ADK: variants seen among roughly 807,000 people sequenced by gnomAD.
The protein encoded by ADK is N6,N6-dimethyladenosine kinase.
In ADK, 24 loss-of-function variants were observed where a neutral mutation model predicts 44.7. The ratio of observed to expected loss-of-function variants is 0.54; its 90% confidence interval spans 0.39 to 0.76. ADK has a LOEUF of 0.76. Among genes scored for constraint, ADK ranks in the 30% least tolerant of loss-of-function variants. The pLI, the probability that ADK is intolerant of heterozygous loss-of-function variation, is 0.00. For missense variants in ADK, 321 were observed against 425.1 expected (o/e 0.76, Z 2.15); for synonymous variants, 128 against 142.6 (o/e 0.90, Z 0.73).
intron 7 of ADK, among the ~76,000 whole-genome samples, chr10:74,526,099 CT>C (rs1849028685): frequency 6.6e-6 from 1 of 152,014 alleles, no homozygotes; most frequent in Admixed American, 6.5e-5. Flanking sequence ...ACATTCATCA[CT>C]TTTTTAAGTC....
intron 4 of ADK, among the ~76,000 whole-genome samples, chr10:74,335,565 A>T (rs1233175413): frequency 6.6e-6 from 1 of 152,216 alleles, no homozygotes; most frequent in Non-Finnish European, 1.5e-5. Context: ...AAAAATATTT[A>T]TACGTTTTTG....
At chr10:74,189,054 ATTTC>A (rs1408979421) in intron 1 of ADK, among the ~76,000 whole-genome samples, 5 of 149,936 alleles carry the variant, frequency 3.3e-5, no homozygotes, top group African/African-American at 4.9e-5. Context: ...TCCCAGCCAC[ATTTC>A]TTTCATTATT....
intron 1 of ADK, among the ~76,000 whole-genome samples, chr10:74,158,709 G>A (rs1010916507): frequency 6.6e-6 from 1 of 152,164 alleles, no homozygotes; most frequent in Non-Finnish European, 1.5e-5. Context: ...CTTATTTATA[G>A]TTTACTTTTA....
chr10:74,217,558 G>T (rs1844103389), intron 2 of ADK, among the ~76,000 whole-genome samples: 1 of 152,226 alleles, frequency 6.6e-6, no homozygotes, highest in Non-Finnish European at 1.5e-5. Context: ...AGAACGGGCA[G>T]ACTGCCTCCT....
chr10:74,325,024 C>T (rs532754368), intron 4 of ADK, among the ~76,000 whole-genome samples: 1 of 152,162 alleles, frequency 6.6e-6, no homozygotes, highest in South Asian at 2.1e-4. Context: ...TTTTCTATTT[C>T]TATGAAGATT....
Position 74,369,619 on chromosome 10 carries a change from T to G in ADK, c.274-24522T>G, listed in dbSNP as rs576999560. Among the ~76,000 whole-genome samples, 10 of 152,280 alleles carry G rather than the reference T, an allele frequency of 6.6e-5. No homozygotes were observed. The South Asian group carries it at 1.9e-3, about 28-fold the overall frequency. On this transcript the variant is annotated intron_variant, in intron 4 of 10. Coordinates refer to ENST00000539909, the MANE Select transcript of ADK (RefSeq NM_006721.4). ...TTCCTCATAAAATCACTCCTGAAAC[T>G]GGTGATAGAGAGGAACTTCCTCAAC... is the stretch of plus-strand genomic sequence containing the variant.
chr10:74,642,518 A>G (rs1029224076), intron 9 of ADK, among the ~76,000 whole-genome samples: 4 of 151,996 alleles, frequency 2.6e-5, no homozygotes, highest in Non-Finnish European at 5.9e-5. Flanking sequence ...ATAATTTTTT[A>G]AGAGAAAAAG....
intron 6 of ADK, chr10:74,506,059 C>T (rs1848061726): frequency 6.6e-6 from 1 of 152,280 alleles, no homozygotes; most frequent in Non-Finnish European, 1.5e-5. Flanking sequence ...AATTCTCCAG[C>T]TTTAAATCCT....
chr10:74,651,570 T>C (rs990512597), intron 9 of ADK, among the ~76,000 whole-genome samples: 2 of 151,978 alleles, frequency 1.3e-5, no homozygotes, highest in Admixed American at 6.6e-5. Context: ...ATTTCTTTCT[T>C]TTTTTTTATC....
intron 3 of ADK, among the ~76,000 whole-genome samples, chr10:74,228,311 G>A (rs1844625734): frequency 6.6e-6 from 1 of 152,130 alleles, no homozygotes; most frequent in African/African-American, 2.4e-5. Flanking sequence ...CTTGGGGGAT[G>A]ATTTTAAGTA....
chr10:74,595,849 T>G (rs1270296385), intron 8 of ADK, among the ~76,000 whole-genome samples: 4 of 150,056 alleles, frequency 2.7e-5, no homozygotes, highest in African/African-American at 2.4e-5. Context: ...ATACAAAAAT[T>G]AGTTGGGTGT....
chr10:74,308,280 CA>C (rs1840322114), intron 3 of ADK, among the ~76,000 whole-genome samples: 1 of 151,940 alleles, frequency 6.6e-6, no homozygotes, highest in African/African-American at 2.4e-5. Flanking sequence ...GCTTTCTTAT[CA>C]AAAAAATAAA....
At chr10:74,312,057 T>C (rs1350854059) in intron 3 of ADK, among the ~76,000 whole-genome samples, 1 of 152,034 alleles carries the variant, frequency 6.6e-6, no homozygotes, top group Non-Finnish European at 1.5e-5. Flanking sequence ...TCCCAGCTAC[T>C]TGGGAGGCTG....
chr10:74,660,088 T>G (rs990482795), intron 9 of ADK, among the ~76,000 whole-genome samples: 1 of 152,226 alleles, frequency 6.6e-6, no homozygotes, highest in African/African-American at 2.4e-5. Flanking sequence ...AATTTACTCC[T>G]CAGAAAAATC....
chr10:74,406,233 C>T (rs1218686583), intron 6 of ADK, among the ~76,000 whole-genome samples: 1 of 152,090 alleles, frequency 6.6e-6, no homozygotes, highest in Non-Finnish European at 1.5e-5. Flanking sequence ...AATCTAGTTT[C>T]TGTTCCTCTA....
chr10:74,510,909 T>A (rs2133518854), intron 6 of ADK, among the ~76,000 whole-genome samples: 1 of 152,296 alleles, frequency 6.6e-6, no homozygotes, highest in Middle Eastern at 3.4e-3. Flanking sequence ...GGTTTCACCA[T>A]GTTGTCGAGG....
chr10:74,356,330 T>A (rs893695833), intron 4 of ADK, among the ~76,000 whole-genome samples: 3 of 152,164 alleles, frequency 2.0e-5, no homozygotes, highest in Non-Finnish European at 4.4e-5. Flanking sequence ...TAATTCATAT[T>A]GTTAATACCT....
At chr10:74,274,951 C>T (rs1205971154) in intron 3 of ADK, among the ~76,000 whole-genome samples, 1 of 151,280 alleles carries the variant, frequency 6.6e-6, no homozygotes, top group African/African-American at 2.4e-5. Flanking sequence ...GAAGCTTATA[C>T]ACCCCCTTTT....
intron 6 of ADK, among the ~76,000 whole-genome samples, chr10:74,414,997 C>A (rs891220723): frequency 2.6e-5 from 4 of 152,032 alleles, no homozygotes; most frequent in African/African-American, 9.7e-5. Flanking sequence ...TTTCATTACA[C>A]GGACTAACCT....
Sources: allele counts gnomAD v4.1 joint callset (sites outside exome capture counted in the v4.1 genomes callset), GRCh38; gene constraint gnomAD v4.1.1; transcripts MANE v1.5; gene names NCBI Gene and HGNC (gene_info 2026-07-23, HGNC 2026-07-21).